Variants in ZDHHC14 observed in about 807,000 individuals in gnomAD.
ZDHHC14 encodes the protein zDHHC palmitoyltransferase 14, also known as palmitoyltransferase ZDHHC14.
A neutral mutation model predicts 47.7 loss-of-function variants in ZDHHC14; 16 were observed. The ratio of observed to expected loss-of-function variants is 0.34; its 90% CI spans 0.23 to 0.51. The LOEUF (loss-of-function observed/expected upper bound fraction) is 0.51. Among genes scored for constraint, ZDHHC14 ranks in the 20% least tolerant of loss-of-function variants. The probability of loss-of-function intolerance (pLI) is 0.97; values close to 1 mark genes in which losing one functional copy is unlikely to be tolerated. For synonymous variants in ZDHHC14, 293 were observed against 278.9 expected (o/e 1.05, Z -0.50); for missense variants, 515 against 662.5 (o/e 0.78, Z 2.44).
At chr6:157,385,992 T>A (rs756471644) in intron 1 of ZDHHC14, among the ~76,000 whole-genome samples, 2 of 152,216 alleles carry the variant, frequency 1.3e-5, no homozygotes, top group African/African-American at 4.8e-5. Flanking sequence ...TTGCACAGTA[T>A]ACAGTATAGT....
At chr6:157,485,680 A>AT (rs199734094) in intron 1 of ZDHHC14, among the ~76,000 whole-genome samples, 65,081 of 143,724 alleles carry the variant, frequency 0.45, 15,111 homozygotes, top group Middle Eastern at 0.58. Flanking sequence ...CCTATTTCTG[A>AT]TTTTTTTTTT....
Position 157,673,451 on chromosome 6 carries a change from G to A in ZDHHC14, c.*329G>A, listed in dbSNP as rs187825698. ...GACAGACACACGGAAGGCTTCTGAC[G>A]CTTGTGGCCAGACTGCAATTGCACT... On this transcript the variant is annotated 3_prime_UTR_variant, in exon 9 of 9. Transcript: ENST00000359775. The surrounding 1 kb of genome is among the most constrained non-coding windows in gnomAD (Gnocchi z 5.4). The A allele has an allele frequency of 1.7e-3, 648 of 381,654 alleles. 2 individuals are homozygous for A. Among genetic ancestry groups the A allele is most frequent in the Middle Eastern group, 8.3e-3 (13 of 1,560 alleles). 23.6% of individuals were successfully genotyped at this position (381,654 alleles called of 1,614,324 possible). A position where few individuals can be genotyped will look rare whatever the true frequency, so the allele number is the denominator to read the frequency against.
At chr6:157,563,838 G>C (rs933504691) in intron 2 of ZDHHC14, among the ~76,000 whole-genome samples, 7 of 152,182 alleles carry the variant, frequency 4.6e-5, no homozygotes, top group Non-Finnish European at 1.0e-4. Flanking sequence ...TGCAGTTCTG[G>C]GACTTTTCTA....
intron 1 of ZDHHC14, among the ~76,000 whole-genome samples, chr6:157,436,429 C>T (rs138381083): frequency 6.4e-4 from 98 of 152,066 alleles, no homozygotes; most frequent in African/African-American, 2.2e-3. Flanking sequence ...TGTAGGGAAG[C>T]GATACGATTG....
intron 1 of ZDHHC14, among the ~76,000 whole-genome samples, chr6:157,439,903 G>A (rs1176193483): frequency 6.6e-6 from 1 of 152,070 alleles, no homozygotes; most frequent in Non-Finnish European, 1.5e-5. Flanking sequence ...GCAAACTAAT[G>A]CGTGAACAGG....
chr6:157,672,643 T>TG, intron 8 of ZDHHC14, 81 bp from the exon 9 acceptor site: 1 of 186,438 alleles, frequency 5.4e-6, no homozygotes, highest in Non-Finnish European at 1.1e-5. Flanking sequence ...TCCCCGCCCG[T>TG]GCCCTGTCCC....
At chr6:157,389,254 C>T (rs1353483181) in intron 1 of ZDHHC14, among the ~76,000 whole-genome samples, 1 of 152,162 alleles carries the variant, frequency 6.6e-6, no homozygotes, top group Non-Finnish European at 1.5e-5. Context: ...CAATTGTTAA[C>T]ATATTTCTGC....
chr6:157,601,713 G>A (rs4708866), intron 3 of ZDHHC14, among the ~76,000 whole-genome samples: 102,579 of 152,114 alleles, frequency 0.67, 35,651 homozygotes, highest in African/African-American at 0.85. Context: ...GATATTATGA[G>A]GTCCTGTGAA....
At chr6:157,421,384 C>G (rs189055982) in intron 1 of ZDHHC14, among the ~76,000 whole-genome samples, 1 of 143,884 alleles carries the variant, frequency 7.0e-6, no homozygotes, top group Admixed American at 7.2e-5. Flanking sequence ...CCCAGCTATT[C>G]GGAGGGGCTG....
rs1777201274 is a variant in ZDHHC14 at position 157,381,194 on chromosome 6, C to A, written c.-828C>A. 7 of 151,906 alleles carry A rather than the reference C, an allele frequency of 4.6e-5. No individual in the cohort carries two copies. Among genetic ancestry groups the A allele is most frequent in the Admixed American group, 4.6e-4 (7 of 15,254 alleles). The allele number at this position is 151,906 out of a possible 1,614,324, so 9.4% of individuals were successfully genotyped here. A position where few individuals can be genotyped will look rare whatever the true frequency, so the allele number is the denominator to read the frequency against. On this transcript the variant is annotated 5_prime_UTR_variant, in exon 1 of 9. Transcript: ENST00000359775. ...GCGCCGCGCGCGCGCCGGGCTGAGC[C>A]TTGCAAACAAGTGTCTGTGCTGTGT... is the stretch of plus-strand genomic sequence containing the variant.
rs1487983137 is a variant in ZDHHC14 at position 157,673,446 on chromosome 6, C to T, written c.*324C>T. On this transcript the variant is annotated 3_prime_UTR_variant, in exon 9 of 9. Coordinates refer to ENST00000359775, the MANE Select transcript of ZDHHC14 (RefSeq NM_024630.3). The surrounding 1 kb of genome is among the most constrained non-coding windows in gnomAD (Gnocchi z 5.4). ...CTTGTGACAGACACACGGAAGGCTT[C>T]TGACGCTTGTGGCCAGACTGCAATT... is the stretch of plus-strand genomic sequence containing the variant. 2 of 398,002 alleles carry T rather than the reference C, an allele frequency of 5.0e-6. No individual in the cohort carries two copies. Among genetic ancestry groups the T allele is most frequent in the Non-Finnish European group, 8.9e-6 (2 of 225,578 alleles). 24.7% of individuals were successfully genotyped at this position (398,002 alleles called of 1,614,324 possible). A position where few individuals can be genotyped will look rare whatever the true frequency, so the allele number is the denominator to read the frequency against.
chr6:157,649,585 G>A (rs931408771), intron 7 of ZDHHC14, among the ~76,000 whole-genome samples: 4 of 152,192 alleles, frequency 2.6e-5, no homozygotes, highest in Non-Finnish European at 2.9e-5. Context: ...CCCCTTCCTC[G>A]GACCCCTGGG....
At chr6:157,397,940 A>T (rs12202660) in intron 1 of ZDHHC14, among the ~76,000 whole-genome samples, 1,763 of 152,252 alleles carry the variant, frequency 0.012, 15 homozygotes, top group Non-Finnish European at 0.016. Flanking sequence ...TTGGGGAGAC[A>T]AACCCAACTG....
chr6:157,381,893 G>A lies in ZDHHC14; in HGVS notation c.-129G>A, dbSNP rs1443898486. 3.8e-6 allele frequency: 3 copies of A among 788,900 alleles called. No homozygotes were observed. The highest frequency in any genetic ancestry group is 4.6e-6 in the Non-Finnish European group (3 of 654,364). 48.9% of individuals were successfully genotyped at this position (788,900 alleles called of 1,614,324 possible). A position where few individuals can be genotyped will look rare whatever the true frequency, so the allele number is the denominator to read the frequency against. On this transcript the variant is annotated 5_prime_UTR_variant, in exon 1 of 9. Transcript: ENST00000359775. ...CGGCAAAGTTGTCGCCGAGCCGGGA[G>A]CCCGTGTAGGGGCCGCGGCGCCGCG... is the stretch of plus-strand genomic sequence containing the variant.
chr6:157,510,601 T>A (rs999666218), intron 1 of ZDHHC14, among the ~76,000 whole-genome samples: 12 of 152,254 alleles, frequency 7.9e-5, no homozygotes, highest in African/African-American at 2.4e-4. Flanking sequence ...TCCCCCTACC[T>A]TCTGACCTCT....
chr6:157,486,773 AAGGCAGGGC>A (rs1779788718), intron 1 of ZDHHC14, among the ~76,000 whole-genome samples: 1 of 152,226 alleles, frequency 6.6e-6, no homozygotes, highest in African/African-American at 2.4e-5. Context: ...GCAGAGAAGG[AAGGCAGGGC>A]AGGCGTGGCA....
rs35681787 is a variant in ZDHHC14, at chr6:157,622,216, CA to C, written c.566-6110del. ...CAAAATCCCATCTCCACTAAAAATA[CA>C]AAAAAAAAAAAAAAAAAAAAAATAG... On this transcript the variant is annotated intron_variant, in intron 3 of 8. Coordinates refer to ENST00000359775, the MANE Select transcript of ZDHHC14 (RefSeq NM_024630.3). Among the ~76,000 whole-genome samples the C allele has an allele frequency of 9.7e-3, 910 of 93,840 alleles. 2 individuals carry two copies. Among genetic ancestry groups the C allele is most frequent in the Non-Finnish European group, 0.013 (600 of 44,582 alleles). The allele number at this position is 93,840 out of a possible 152,430, so 61.6% of individuals were successfully genotyped here.
At chr6:157,637,144 C>T (rs1257751165) in intron 5 of ZDHHC14, among the ~76,000 whole-genome samples, 2 of 152,176 alleles carry the variant, frequency 1.3e-5, no homozygotes, top group African/African-American at 4.8e-5. Context: ...GGGCTGGATC[C>T]CATCAGCACA....
intron 1 of ZDHHC14, among the ~76,000 whole-genome samples, chr6:157,484,281 ATATATATATGTG>A (rs1422043264): frequency 3.0e-5 from 3 of 99,998 alleles, no homozygotes; most frequent in South Asian, 3.3e-4. Context: ...ATATATACGT[ATATATATATGTG>A]TATATATATA....
Sources: allele counts gnomAD v4.1 joint callset (sites outside exome capture counted in the v4.1 genomes callset), GRCh38; gene constraint gnomAD v4.1.1; non-coding constraint Gnocchi (gnomAD v3.1); transcripts MANE v1.5; gene names NCBI Gene and HGNC (gene_info 2026-07-23, HGNC 2026-07-21).